Variants in PELI2 observed in about 807,000 individuals in gnomAD.
PELI2 encodes the protein E3 ubiquitin-protein ligase pellino homolog 2.
In PELI2, 23 loss-of-function variants were observed where a neutral mutation model predicts 42.3. The observed-to-expected ratio is 0.54, with a 90% CI of 0.39 to 0.77. PELI2 has a LOEUF of 0.77. PELI2 is among the 30% of genes least tolerant of loss of function. The probability of loss-of-function intolerance (pLI) is 0.00; values close to 1 mark genes in which losing one functional copy is unlikely to be tolerated. For missense variants in PELI2, 463 were observed against 553.2 expected (o/e 0.84, Z 1.64); for synonymous variants, 245 against 212.2 (o/e 1.15, Z -1.34).
chr14:56,295,616 G>A (rs1889975618), intron 5 of PELI2, among the ~76,000 whole-genome samples: 1 of 152,224 alleles, frequency 6.6e-6, no homozygotes, highest in Admixed American at 6.5e-5. Flanking sequence ...GTACCAGACA[G>A]TGTTCTCTAA....
chr14:56,144,119 T>A (rs1409102597), intron 1 of PELI2, among the ~76,000 whole-genome samples: 1 of 152,238 alleles, frequency 6.6e-6, no homozygotes, highest in Non-Finnish European at 1.5e-5. Context: ...CTAAGAATCA[T>A]TCTAGCCTTC....
At chr14:56,142,582 A>G (rs898070350) in intron 1 of PELI2, among the ~76,000 whole-genome samples, 5 of 152,182 alleles carry the variant, frequency 3.3e-5, no homozygotes, top group African/African-American at 4.8e-5. Context: ...ACATAATTAC[A>G]TATACATTTG....
At chr14:56,236,132 A>G (rs533000487) in intron 2 of PELI2, among the ~76,000 whole-genome samples, 3 of 152,350 alleles carry the variant, frequency 2.0e-5, no homozygotes, top group South Asian at 2.1e-4. Flanking sequence ...TGAAACTAAT[A>G]GAATTTTTAA....
chr14:56,257,074 A>C (rs1409884053), intron 2 of PELI2, among the ~76,000 whole-genome samples: 1 of 152,196 alleles, frequency 6.6e-6, no homozygotes, highest in East Asian at 1.9e-4. Flanking sequence ...CTGTATTAAT[A>C]GTATATAGTG....
chr14:56,226,691 C>T (rs1272535357), intron 2 of PELI2, among the ~76,000 whole-genome samples: 2 of 152,142 alleles, frequency 1.3e-5, no homozygotes, highest in Non-Finnish European at 2.9e-5. Flanking sequence ...GGAAACTTTT[C>T]GAATGTGCCC....
intron 1 of PELI2, among the ~76,000 whole-genome samples, chr14:56,119,451 C>A (rs950561039): frequency 2.6e-5 from 4 of 152,138 alleles, no homozygotes; most frequent in African/African-American, 9.7e-5. Context: ...CGGGCCGTAT[C>A]CCCCCGGTCC....
intron 2 of PELI2, among the ~76,000 whole-genome samples, chr14:56,244,322 G>A (rs559800038): frequency 6.6e-6 from 1 of 152,080 alleles, no homozygotes; most frequent in African/African-American, 2.4e-5. Context: ...TAATATCAGG[G>A]GTATGCAATG....
chr14:56,292,545 GAGAAA>G (rs1889865474), intron 5 of PELI2, among the ~76,000 whole-genome samples: 1 of 152,190 alleles, frequency 6.6e-6, no homozygotes. Context: ...ACAGAAATAT[GAGAAA>G]TAAAGTGAGC....
In PELI2 at chr14:56,262,235, T is replaced by C. The variant is rs557102195; in HGVS notation, c.208-17441T>C. 9.2e-5 allele frequency among the ~76,000 whole-genome samples: 14 copies of C among 152,360 alleles called. No individual in the cohort carries two copies. The South Asian group carries it at 2.9e-3, about 32-fold the overall frequency. ...TATAATAACCTAACACTAACCCTGG[T>C]ATTTTTAGCTGCAGTTCCAGGAGTT... is the stretch of plus-strand genomic sequence containing the variant. On this transcript the variant is annotated intron_variant, in intron 2 of 5. Coordinates refer to ENST00000267460, the MANE Select transcript of PELI2 (RefSeq NM_021255.3).
chr14:56,270,819 T>G (rs1889077658), intron 2 of PELI2, among the ~76,000 whole-genome samples: 1 of 152,214 alleles, frequency 6.6e-6, no homozygotes, highest in Non-Finnish European at 1.5e-5. Flanking sequence ...GGTGAGTAGC[T>G]GAACTCAGAT....
intron 5 of PELI2, among the ~76,000 whole-genome samples, chr14:56,295,421 G>T (rs1251138496): frequency 1.3e-5 from 2 of 151,952 alleles, no homozygotes; most frequent in Non-Finnish European, 2.9e-5. Context: ...ACTCCCTGTT[G>T]CTCCCTTGGT....
chr14:56,167,638 G>A (rs1043996009), intron 1 of PELI2, among the ~76,000 whole-genome samples: 2 of 152,134 alleles, frequency 1.3e-5, no homozygotes, highest in Admixed American at 6.5e-5. Flanking sequence ...CTGTGTGAAA[G>A]GTCACATATA....
intron 2 of PELI2, among the ~76,000 whole-genome samples, chr14:56,256,987 T>C (rs1255409864): frequency 6.6e-6 from 1 of 152,222 alleles, no homozygotes; most frequent in Non-Finnish European, 1.5e-5. Context: ...TTGAAGTTTA[T>C]ACTGTTATTT....
rs936211058 is a variant in PELI2, at chr14:56,288,237, G to C, written c.310-200G>C. 1.3e-5 allele frequency among the ~76,000 whole-genome samples: 2 copies of C among 152,112 alleles called. No homozygotes were observed. The highest frequency in any genetic ancestry group is 2.9e-5 in the Non-Finnish European group (2 of 68,030). ...CACAATACAATAAAATTAAAAATAG[G>C]TATCTCTAATATTTGGTTACCCTAA... On this transcript the variant is annotated intron_variant, in intron 3 of 5. Transcript: ENST00000267460. This position sits in a 1 kb window ranked among gnomAD's most constrained non-coding sequence, Gnocchi z 4.6.
intron 2 of PELI2, among the ~76,000 whole-genome samples, chr14:56,209,288 G>A (rs1444334466): frequency 6.6e-6 from 1 of 152,212 alleles, no homozygotes; most frequent in Non-Finnish European, 1.5e-5. Flanking sequence ...GCTGAGTTTG[G>A]TGTAGTACCA....
At chr14:56,205,782 G>A (rs1233484983) in intron 2 of PELI2, among the ~76,000 whole-genome samples, 1 of 152,144 alleles carries the variant, frequency 6.6e-6, no homozygotes, top group Non-Finnish European at 1.5e-5. Flanking sequence ...TGTGCTCAGG[G>A]TTGCCTCCGT....
At chr14:56,296,306 G>C (rs1440339624) in intron 5 of PELI2, among the ~76,000 whole-genome samples, 1 of 152,134 alleles carries the variant, frequency 6.6e-6, no homozygotes, top group African/African-American at 2.4e-5. Context: ...GAAAATCTTA[G>C]GAGATTTGTG....
At chr14:56,247,163 G>T (rs899885015) in intron 2 of PELI2, among the ~76,000 whole-genome samples, 12 of 152,160 alleles carry the variant, frequency 7.9e-5, no homozygotes, top group Non-Finnish European at 1.3e-4. Flanking sequence ...CATACATAAT[G>T]TGTGTATGAA....
chr14:56,292,366 A>G (rs1243695040), intron 5 of PELI2, among the ~76,000 whole-genome samples: 2 of 152,210 alleles, frequency 1.3e-5, no homozygotes, highest in Admixed American at 6.5e-5. Flanking sequence ...TCTGGAGAAC[A>G]GTTTTTGTCT....
Sources: allele counts gnomAD v4.1 joint callset (sites outside exome capture counted in the v4.1 genomes callset), GRCh38; gene constraint gnomAD v4.1.1; non-coding constraint Gnocchi (gnomAD v3.1); transcripts MANE v1.5; gene names NCBI Gene and HGNC (gene_info 2026-07-23, HGNC 2026-07-21).